The following CA11 variants were observed in gnomAD, a reference collection of about 807,000 sequenced individuals.
CA11 encodes the protein carbonic anhydrase 11 (inactive).
In CA11, 20 loss-of-function variants were observed where a neutral mutation model predicts 39.3. The observed-to-expected ratio is 0.51, with a 90% CI of 0.36 to 0.74. CA11 has a LOEUF of 0.74. Among genes scored for constraint, CA11 ranks in the 30% least tolerant of loss-of-function variants. CA11 has a pLI of 0.00. For synonymous variants in CA11, 166 were observed against 172.5 expected (o/e 0.96, Z 0.29); for missense variants, 336 against 424.6 (o/e 0.79, Z 1.83).
At chr19:48,640,620 C>T (rs377690171) in intron 3 of CA11, among the ~76,000 whole-genome samples, 18 of 151,756 alleles carry the variant, frequency 1.2e-4, no homozygotes, top group African/African-American at 3.9e-4. Flanking sequence ...GTGATCCACC[C>T]GCCTCAGCCT....
At chr19:48,645,290 G>T in intron 2 of CA11, 113 bp downstream of exon 2, 1 of 891,582 alleles carries the variant, frequency 1.1e-6, no homozygotes, top group Non-Finnish European at 1.8e-6. Context: ...ACAGAGGAGG[G>T]GGCTGGGACT....
intron 7 of CA11, 62 bp from the exon 8 acceptor site, chr19:48,639,115 C>A (rs985307110): frequency 1.3e-6 from 2 of 1,595,772 alleles, no homozygotes; most frequent in Non-Finnish European, 1.7e-6. Context: ...TGACGTCACG[C>A]AGGAAACCCC....
Position 48,638,117 on chromosome 19 carries a change from T to C in CA11, c.*2A>G. On this transcript the variant is annotated 3_prime_UTR_variant, in exon 9 of 9. Coordinates refer to ENST00000084798, the MANE Select transcript of CA11 (RefSeq NM_001217.5). ...GGCGGGTGCAATCCTCGAAGGGGAGTCTCAGCGACCATGGGGGACACCATC... is the reference window on the plus strand; with the variant it reads ...GGCGGGTGCAATCCTCGAAGGGGAGCCTCAGCGACCATGGGGGACACCATC... The C allele has an allele frequency of 7.4e-7, 1 of 1,345,738 alleles. No individual in the cohort carries two copies. Among genetic ancestry groups the C allele is most frequent in the Non-Finnish European group, 9.7e-7 (1 of 1,034,782 alleles). The allele number at this position is 1,345,738 out of a possible 1,614,324, so 83.4% of individuals were successfully genotyped here. A position where few individuals can be genotyped will look rare whatever the true frequency, so the allele number is the denominator to read the frequency against.
chr19:48,641,469 G>A (rs1415517397), intron 3 of CA11, among the ~76,000 whole-genome samples: 1 of 152,130 alleles, frequency 6.6e-6, no homozygotes, highest in Admixed American at 6.6e-5. Context: ...GGGCCTTATG[G>A]AGTTTATGTT....
chr19:48,640,596 A>G (rs1181627806), intron 3 of CA11, among the ~76,000 whole-genome samples: 1 of 146,442 alleles, frequency 6.8e-6, no homozygotes, highest in African/African-American at 2.5e-5. Context: ...CTGGTCTCAA[A>G]CTCCCGACCT....
intron 8 of CA11, chr19:48,638,424 G>A (rs1332344703): frequency 6.9e-6 from 7 of 1,012,672 alleles, no homozygotes; most frequent in African/African-American, 3.3e-5. Flanking sequence ...GGGGGTGTGT[G>A]AGATTCCTGG....
At chr19:48,638,370 T>A in intron 8 of CA11, 1 of 82,684 alleles carries the variant, frequency 1.2e-5, no homozygotes. Flanking sequence ...CTTGAAGGTC[T>A]TCATGGGGGG....
chr19:48,644,649 T>G, intron 2 of CA11, 80 bp from the exon 3 acceptor site: 3 of 1,268,816 alleles, frequency 2.4e-6, no homozygotes, highest in Non-Finnish European at 3.1e-6. Context: ...CTGAGTGGGC[T>G]GTGGTCTGGA....
chr19:48,638,129 TG>T lies in CA11; in HGVS notation c.976del (p.His326MetfsTer31). ...CCTCGAAGGGGAGTCTCAGCGACCA[TG>T]GGGGACACCATCCACTGTAAGACAG... The part of the protein sequence containing the change: ...NYRLHVDGVP[H>X]GR On this transcript the variant is annotated frameshift_variant, in exon 9 of 9. Coordinates refer to ENST00000084798, the MANE Select transcript of CA11 (RefSeq NM_001217.5). LOFTEE classifies it high-confidence loss of function. The T allele has an allele frequency of 8.0e-7, 1 of 1,255,512 alleles. No individual in the cohort carries two copies. The highest frequency in any genetic ancestry group is 1.0e-6 in the Non-Finnish European group (1 of 985,158). 77.8% of individuals were successfully genotyped at this position (1,255,512 alleles called of 1,614,324 possible). A position where few individuals can be genotyped will look rare whatever the true frequency, so the allele number is the denominator to read the frequency against.
chr19:48,639,033 C>G lies in CA11; in HGVS notation c.816G>C (p.Leu272=), dbSNP rs147254552. The G allele has an allele frequency of 4.0e-5, 65 of 1,613,808 alleles. No homozygotes were observed. In the African/African-American group the frequency reaches 7.7e-4, roughly 19 times the overall value. The change falls in exon 8 of 9, where the codon CTG becomes CTC. Residue 272 remains leucine, a synonymous_variant. Transcript: ENST00000084798. The part of the protein sequence containing the change: ...TSLQMHSLRL[L]SQNPPSQIFQ... ...AGATCTGAGATGGAGGATTCTGGCT[C>G]AGGAGTCTCAGGGAGTGCATCTGCA...
In CA11 at chr19:48,645,681, CT is replaced by C; in HGVS notation, c.-50del. 1 of 1,407,734 alleles carries C rather than the reference CT, an allele frequency of 7.1e-7. No homozygotes were observed. The highest frequency in any genetic ancestry group is 9.5e-7 in the Non-Finnish European group (1 of 1,056,134). 87.2% of individuals were successfully genotyped at this position (1,407,734 alleles called of 1,614,324 possible). A position where few individuals can be genotyped will look rare whatever the true frequency, so the allele number is the denominator to read the frequency against. On this transcript the variant is annotated 5_prime_UTR_variant, in exon 1 of 9. Coordinates refer to ENST00000084798, the MANE Select transcript of CA11 (RefSeq NM_001217.5). ...CCTGCCCAACGCCCTGCCCCCCTCT[CT>C]CAGCTCCTCTGTCCCCTCCTTCTGG...
At chr19:48,638,208 G>T in intron 8 of CA11, 64 bp from the exon 9 acceptor site, 2 of 1,188,248 alleles carry the variant, frequency 1.7e-6, no homozygotes, top group Non-Finnish European at 1.1e-6. Flanking sequence ...GGGGTGTGCA[G>T]GGGGCGTGGG....
At chr19:48,640,671 G>GCTTTT (rs1568443290) in intron 3 of CA11, among the ~76,000 whole-genome samples, 29 of 136,488 alleles carry the variant, frequency 2.1e-4, no homozygotes, top group African/African-American at 2.9e-4. Flanking sequence ...ACCGCACCCG[G>GCTTTT]TCTTTTTTTT....
In CA11 at chr19:48,639,511, C is replaced by T. The variant is rs370921025; in HGVS notation, c.640+38G>A. 181 of 1,613,938 alleles carry T rather than the reference C, an allele frequency of 1.1e-4. 1 individual carries two copies. The African/African-American group carries it at 2.1e-3, about 18-fold the overall frequency. On this transcript the variant is annotated intron_variant, in intron 6 of 8. Transcript: ENST00000084798. ...GAGGGATGGCACTCTTGAACCCCCT[C>T]GTGTGTGACCACTGCCCCCAGCACG...
intron 3 of CA11, among the ~76,000 whole-genome samples, chr19:48,642,138 T>A (rs2031107047): frequency 6.6e-6 from 1 of 152,060 alleles, no homozygotes; most frequent in African/African-American, 2.4e-5. Flanking sequence ...AGAGAGAGGT[T>A]ATGGGGGCTG....
In CA11 at chr19:48,639,398, G is replaced by A; in HGVS notation, c.702C>T (p.Phe234=). ...TGCTGAGAGAGCCCTGATAGGTGATGAAGCCGAAGGATTCAGGGAACAGGA... is the reference window on the plus strand; with the variant it reads ...TGCTGAGAGAGCCCTGATAGGTGATAAAGCCGAAGGATTCAGGGAACAGGA... The part of the protein sequence containing the change: ...LELLFPESFG[F]ITYQGSLSTP... The change falls in exon 7 of 9, where the codon TTC becomes TTT. Residue 234 remains phenylalanine (F), a synonymous_variant. Transcript: ENST00000084798. 1.2e-6 allele frequency: 2 copies of A among 1,613,870 alleles called. No homozygotes were observed. Among genetic ancestry groups the A allele is most frequent in the Non-Finnish European group, 1.7e-6 (2 of 1,179,952 alleles).
chr19:48,641,823 CTTTTTTTTT>C (rs71179023), intron 3 of CA11, among the ~76,000 whole-genome samples: 4 of 92,296 alleles, frequency 4.3e-5, no homozygotes, highest in African/African-American at 1.2e-4. Context: ...TTTCAATTTT[CTTTTTTTTT>C]TTTTTTTTTT....
intron 2 of CA11, among the ~76,000 whole-genome samples, chr19:48,644,836 C>A (rs1457915863): frequency 6.6e-6 from 1 of 152,120 alleles, no homozygotes; most frequent in Non-Finnish European, 1.5e-5. Context: ...CACAGGTAAT[C>A]CACCCACCTC....
In CA11 at chr19:48,644,551, A is replaced by C; in HGVS notation, c.161T>G (p.Leu54Arg). 1 of 1,596,388 alleles carries C rather than the reference A, an allele frequency of 6.3e-7. No individual in the cohort carries two copies. Among genetic ancestry groups the C allele is most frequent in the Non-Finnish European group, 8.5e-7 (1 of 1,170,020 alleles). The change falls in exon 3 of 9, where the codon CTG becomes CGG. Residue 54 changes from leucine to arginine, a missense_variant. Transcript: ENST00000084798. ...NFVPGPPFWG[L>R]VNAAWSLCAV... Reference sequence around the variant, plus strand: ...ACACAGACTCCACGCTGCATTCACCAGGCCCCAGAAAGGAGGCCCTGGGGG... The same window carrying C: ...ACACAGACTCCACGCTGCATTCACCCGGCCCCAGAAAGGAGGCCCTGGGGG...
Sources: gnomAD v4.1 joint callset for allele counts (sites outside exome capture counted in the v4.1 genomes callset) on GRCh38, gnomAD v4.1.1 for gene constraint, MANE v1.5 for transcripts, NCBI Gene and HGNC (gene_info 2026-07-23, HGNC 2026-07-21) for gene names.